TTC39A: variants seen among roughly 807,000 people sequenced by gnomAD.
TTC39A encodes the protein tetratricopeptide repeat protein 39A.
Under a neutral mutation model 82.3 loss-of-function variants are expected in TTC39A, and 46 were observed. The ratio of observed to expected loss-of-function variants is 0.56; its 90% CI spans 0.44 to 0.71. TTC39A has a LOEUF of 0.71. Ranked by LOEUF, TTC39A falls within the 30% of genes least tolerant of loss-of-function variation. The pLI is 0.00. For missense variants in TTC39A, 543 were observed against 712.9 expected, an observed-to-expected ratio of 0.76 and a Z score of 2.71; for synonymous variants, 254 against 275.2, an observed-to-expected ratio of 0.92 and a Z score of 0.76.
At chr1:51,297,191 T>A (rs960401416) in intron 12 of TTC39A, 4 of 149,734 alleles carry the variant, frequency 2.7e-5, no homozygotes, top group Non-Finnish European at 5.9e-5. Flanking sequence ...AGAGTCTCCC[T>A]CCCTGAAATC....
chr1:51,302,710 G>A (rs1241873012), intron 9 of TTC39A, 137 bp from the exon 10 acceptor site: 2 of 948,078 alleles, frequency 2.1e-6, no homozygotes, highest in Non-Finnish European at 3.3e-6. Flanking sequence ...CTGTCCCTAG[G>A]GTGACATGAG....
chr1:51,299,812 A>G (rs1054621843), intron 12 of TTC39A: 1 of 152,358 alleles, frequency 6.6e-6, no homozygotes, highest in African/African-American at 2.4e-5. Context: ...TTTCAGTTCA[A>G]AAAGGTTCCC....
upstream of TTC39A, among the ~76,000 whole-genome samples, chr1:51,334,182 G>A: frequency 7.6e-6 from 1 of 131,278 alleles, no homozygotes; most frequent in East Asian, 2.3e-4. Context: ...AACATGGTGA[G>A]ACCCTGTCTC....
intron 5 of TTC39A, among the ~76,000 whole-genome samples, 186 bp downstream of exon 5, chr1:51,311,068 G>A (rs183151614): frequency 1.3e-5 from 2 of 152,246 alleles, no homozygotes; most frequent in African/African-American, 2.4e-5. Flanking sequence ...AGGAGATGAT[G>A]CCCATCACTT....
intron 6 of TTC39A, among the ~76,000 whole-genome samples, chr1:51,306,730 T>G (rs1644879943): frequency 6.6e-6 from 1 of 152,198 alleles, no homozygotes; most frequent in African/African-American, 2.4e-5. Context: ...CTTCCTGGGC[T>G]GACAGCATTT....
chr1:51,312,160 C>T lies in TTC39A; in HGVS notation c.314G>A (p.Ser105Asn), dbSNP rs1362324321. The change falls in exon 4 of 18, where the codon AGC becomes AAC. Residue 105 changes from serine to asparagine, a missense_variant. Physicochemically the swap from Ser to Asn is conservative, Grantham distance 46. Transcript: ENST00000680483. ...CAGCGTGGGGCGGTTCACCAGGCTGCTGAAGGAATCTGTTACAGAAGACTT... is the reference window on the plus strand; with the variant it reads ...CAGCGTGGGGCGGTTCACCAGGCTGTTGAAGGAATCTGTTACAGAAGACTT... Reference protein sequence around the residue: ...RRKSSVTDSFSSLVNRPTLGQ... With the variant: ...RRKSSVTDSFNSLVNRPTLGQ... The T allele has an allele frequency of 6.2e-7, 1 of 1,611,218 alleles. No individual in the cohort carries two copies. The highest frequency in any genetic ancestry group is 2.2e-5 in the East Asian group (1 of 44,828).
intron 12 of TTC39A, among the ~76,000 whole-genome samples, chr1:51,296,484 C>T (rs1273178479): frequency 6.6e-6 from 1 of 152,268 alleles, no homozygotes; most frequent in African/African-American, 2.4e-5. Context: ...CGGGAAGCAA[C>T]AGCTTCACAG....
intron 2 of TTC39A, among the ~76,000 whole-genome samples, chr1:51,314,560 C>A (rs1645212339): frequency 6.6e-6 from 1 of 152,224 alleles, no homozygotes; most frequent in Non-Finnish European, 1.5e-5. Flanking sequence ...GGGTGACACT[C>A]CTGTGATCCT....
chr1:51,342,215 T>C (rs1646045945), intron 1 of TTC39A, among the ~76,000 whole-genome samples: 2 of 152,156 alleles, frequency 1.3e-5, no homozygotes, highest in Non-Finnish European at 2.9e-5. Context: ...CCCTTTCCTT[T>C]TCCCAGCAGT....
rs113892720 is a variant in TTC39A, at chr1:51,306,120, G to T, written c.489-44C>A. On this transcript the variant is annotated intron_variant, in intron 6 of 17. Coordinates refer to ENST00000680483, the MANE Select transcript of TTC39A (RefSeq NM_001297663.2). ...TCCTGTTTCAGCCACTGCTGGGGGT[G>T]GGGGGTAGGGGCTGGGACCCCTTCC... 24 of 1,537,768 alleles carry T rather than the reference G, an allele frequency of 1.6e-5. 1 individual carries two copies. The highest frequency in any genetic ancestry group is 1.2e-4 in the Admixed American group (7 of 59,444).
Position 51,288,219 on chromosome 1 carries a change from G to T in TTC39A, c.1672C>A (p.Leu558Ile). 1 of 1,614,084 alleles carries T rather than the reference G, an allele frequency of 6.2e-7. No individual in the cohort carries two copies. The highest frequency in any genetic ancestry group is 8.5e-7 in the Non-Finnish European group (1 of 1,179,910). ...RTHFRIQAAT[L>I]QAKSSLENSS... ...TTCTCTAGGGAAGACTTGGCTTGGA[G>T]TGTGGCTGCCTGGATTCGAAAGTGT... is the stretch of plus-strand genomic sequence containing the variant. Residue 558 changes from leucine to isoleucine, a missense_variant, in exon 18 of 18, where the codon CTC (leucine) becomes ATC (isoleucine). Physicochemically the swap from Leu to Ile is conservative, Grantham distance 5. Transcript: ENST00000680483. The surrounding 1 kb of genome is among the most constrained non-coding windows in gnomAD (Gnocchi z 4.8).
chr1:51,289,898 G>T, intron 16 of TTC39A, 107 bp downstream of exon 16: 1 of 811,690 alleles, frequency 1.2e-6, no homozygotes. Context: ...TGTGGTGAGT[G>T]GGGGTTGGCT....
chr1:51,337,776 C>T (rs1003807085), intron 1 of TTC39A, among the ~76,000 whole-genome samples: 2 of 152,136 alleles, frequency 1.3e-5, no homozygotes, highest in South Asian at 4.1e-4. Flanking sequence ...AGTTCTTCTG[C>T]CCTGCATTAT....
chr1:51,330,881 C>G, upstream of TTC39A: 1 of 578,902 alleles, frequency 1.7e-6, no homozygotes, highest in South Asian at 2.0e-5. This position sits in a 1 kb window ranked among gnomAD's most constrained non-coding sequence, Gnocchi z 4.5. Context: ...GCTTCCGCCC[C>G]GAAGCGGCCC....
upstream of TTC39A, among the ~76,000 whole-genome samples, chr1:51,333,365 C>T (rs1008260514): frequency 6.6e-6 from 1 of 152,164 alleles, no homozygotes; most frequent in African/African-American, 2.4e-5. Context: ...CCATGAAAAT[C>T]CAAAAATTGA....
rs774481350 is a variant in TTC39A, at chr1:51,290,640, G to C, written c.1267-15C>G. On this transcript the variant is annotated splice_polypyrimidine_tract_variant and intron_variant, in intron 14 of 17. Coordinates refer to ENST00000680483, the MANE Select transcript of TTC39A (RefSeq NM_001297663.2). ...TACATCATTTCCTGAAGGCAGGGGG[G>C]CAAGTCAGTCCTAGGTTTCTTCCCT... The C allele has an allele frequency of 6.2e-7, 1 of 1,605,218 alleles. No individual in the cohort carries two copies. The highest frequency in any genetic ancestry group is 1.1e-5 in the South Asian group (1 of 89,584).
chr1:51,335,913 C>A (rs1049662776), upstream of TTC39A, among the ~76,000 whole-genome samples: 2 of 152,048 alleles, frequency 1.3e-5, no homozygotes, highest in African/African-American at 4.8e-5. Context: ...GATAATAATC[C>A]CAAACTCTCA....
Position 51,303,083 on chromosome 1 carries a change from C to G in TTC39A, c.763+1G>C. The G allele has an allele frequency of 6.3e-7, 1 of 1,587,452 alleles. No individual in the cohort carries two copies. The highest frequency in any genetic ancestry group is 8.6e-7 in the Non-Finnish European group (1 of 1,167,374). ...GGCCCCAGGTCCCCCTGTACACCTA[C>G]CGAGCACGAAGGTGAGGAAGGTGTG... On this transcript the variant is annotated splice_donor_variant, in intron 9 of 17. Transcript: ENST00000680483. LOFTEE classifies it high-confidence loss of function.
In TTC39A at chr1:51,302,074, G is replaced by GCCTCCCTCAAGCA. The variant is rs1285840106; in HGVS notation, c.891+270_891+282dup. On this transcript the variant is annotated intron_variant, in intron 11 of 17. Coordinates refer to ENST00000680483, the MANE Select transcript of TTC39A (RefSeq NM_001297663.2). ...AAACAGATGGGCTTTCCTAACCTCT[G>GCCTCCCTCAAGCA]CCTCCCTCAAGCACCTCCCTCCACC... The GCCTCCCTCAAGCA allele has an allele frequency of 5.6e-6, 4 of 715,578 alleles. No homozygotes were observed. The African/African-American group carries it at 7.0e-5, about 13-fold the overall frequency. 44.3% of individuals were successfully genotyped at this position (715,578 alleles called of 1,614,324 possible).
Sources: gnomAD v4.1 joint callset for allele counts (sites outside exome capture counted in the v4.1 genomes callset) on GRCh38, gnomAD v4.1.1 for gene constraint, Gnocchi (gnomAD v3.1) non-coding constraint, MANE v1.5 for transcripts, NCBI Gene and HGNC (gene_info 2026-07-23, HGNC 2026-07-21) for gene names.